The following ME1 variants were observed in gnomAD, a reference collection of about 807,000 sequenced individuals.
ME1 encodes malic enzyme 1, also known as NADP-dependent malic enzyme.
ME1 carries 74 observed loss-of-function variants against 66.4 expected under a neutral mutation model. The observed-to-expected ratio is 1.11, with a 90% confidence interval of 0.92 to 1.35. ME1 has a LOEUF of 1.35. Among genes scored for constraint, ME1 ranks in the 40% most tolerant of loss-of-function variants. The probability of loss-of-function intolerance (pLI) is 0.00; values close to 1 mark genes in which losing one functional copy is unlikely to be tolerated. For synonymous variants in ME1, 251 were observed against 235.6 expected, an observed-to-expected ratio of 1.07 and a Z score of -0.60; for missense variants, 750 against 694.1, an observed-to-expected ratio of 1.08 and a Z score of -0.90.
chr6:83,304,257 T>C (rs149881497), intron 6 of ME1, among the ~76,000 whole-genome samples: 420 of 152,242 alleles, frequency 2.8e-3, no homozygotes, highest in Non-Finnish European at 5.0e-3. Flanking sequence ...GTTTTACTTA[T>C]CACATGTACC....
At chr6:83,307,453 T>C (rs769838672) in intron 6 of ME1, among the ~76,000 whole-genome samples, 5 of 152,152 alleles carry the variant, frequency 3.3e-5, no homozygotes, top group Non-Finnish European at 7.4e-5. Context: ...TATTTCACCC[T>C]GGGTCCACAG....
intron 3 of ME1, 79 bp downstream of exon 3, chr6:83,398,288 T>C: frequency 2.1e-6 from 2 of 951,238 alleles, no homozygotes; most frequent in Non-Finnish European, 3.1e-6. Context: ...AAAATAATAA[T>C]AATAAATTTT....
At chr6:83,214,169 G>A (rs1301633569) in intron 13 of ME1, among the ~76,000 whole-genome samples, 1 of 152,082 alleles carries the variant, frequency 6.6e-6, no homozygotes, top group Non-Finnish European at 1.5e-5. Flanking sequence ...ACTTAAGATG[G>A]CTATGTTAAT....
chr6:83,326,605 A>T lies in ME1; in HGVS notation c.601-11192T>A, dbSNP rs568160964. ...TGAACAGACATTTTCAAAAGAAGGC[A>T]TGTATGTGGCCAAAAAACATAAAAA... On this transcript the variant is annotated intron_variant, in intron 5 of 13. Transcript: ENST00000369705. Among the ~76,000 whole-genome samples the T allele has an allele frequency of 2.6e-5, 4 of 152,298 alleles. No homozygotes were observed. In the South Asian group the frequency reaches 8.3e-4, roughly 32 times the overall value.
Position 83,216,525 on chromosome 6 carries a change from T to C in ME1, c.1521A>G (p.Arg507=). The C allele has an allele frequency of 3.1e-6, 5 of 1,611,452 alleles. No homozygotes were observed. Among genetic ancestry groups the C allele is most frequent in the Non-Finnish European group, 4.2e-6 (5 of 1,179,042 alleles). ...TTTCTGCAATTTTCAGAGAAACATCTCTAATGGTATTCAAAGGAGGATAAA... is the reference window on the plus strand; with the variant it reads ...TTTCTGCAATTTTCAGAGAAACATCCCTAATGGTATTCAAAGGAGGATAAA... The part of the protein sequence containing the change: ...GRLYPPLNTI[R]DVSLKIAEKI... Residue 507 remains arginine, a synonymous_variant, in exon 13 of 14, where the codon AGA becomes AGG. Transcript: ENST00000369705.
In ME1 at chr6:83,308,362, CT is replaced by C. The variant is rs1321235519; in HGVS notation, c.704+6947del. Reference sequence around the variant, plus strand: ...TCTTAAAAGCTTACTTGAGGTAAAGCTTTTGTTCTCATTTAGTTAATAATCA... The same window carrying C: ...TCTTAAAAGCTTACTTGAGGTAAAGCTTTGTTCTCATTTAGTTAATAATCA... On this transcript the variant is annotated intron_variant, in intron 6 of 13. Transcript: ENST00000369705. Among the ~76,000 whole-genome samples, 4 of 151,518 alleles carry C rather than the reference CT, an allele frequency of 2.6e-5. No individual in the cohort carries two copies. In the East Asian group the frequency reaches 7.8e-4, roughly 29 times the overall value.
At chr6:83,403,345 T>G (rs938738740) in intron 2 of ME1, among the ~76,000 whole-genome samples, 2 of 152,136 alleles carry the variant, frequency 1.3e-5, no homozygotes, top group Admixed American at 1.3e-4. Context: ...TGATTTCTCA[T>G]AGTTTTGTAG....
In ME1 at chr6:83,306,065, C is replaced by T. The variant is rs1295057172; in HGVS notation, c.704+9245G>A. Among the ~76,000 whole-genome samples, 4 of 151,976 alleles carry T rather than the reference C, an allele frequency of 2.6e-5. No homozygotes were observed. The East Asian group carries it at 5.8e-4, about 22-fold the overall frequency. The stretch of plus-strand genomic sequence containing the variant: ...TATAAACAAAAGACCTTATTTTAAC[C>T]TACAAGATATTGCTATTGATAGTGT... On this transcript the variant is annotated intron_variant, in intron 6 of 13. Coordinates refer to ENST00000369705, the MANE Select transcript of ME1 (RefSeq NM_002395.6).
intron 3 of ME1, among the ~76,000 whole-genome samples, chr6:83,397,717 G>T (rs1221715829): frequency 6.6e-6 from 1 of 152,134 alleles, no homozygotes; most frequent in African/African-American, 2.4e-5. Context: ...GCCAAGATAT[G>T]GGATCAAGGT....
intron 5 of ME1, among the ~76,000 whole-genome samples, chr6:83,323,630 A>G (rs753836116): frequency 3.3e-5 from 5 of 152,236 alleles, no homozygotes; most frequent in African/African-American, 4.8e-5. Context: ...TTCAACAAGA[A>G]GAACTAAGTA....
At position 83,364,794 on chromosome 6, in the gene ME1, G is replaced by T. The variant is rs191045819; in HGVS notation, c.363-12655C>A. ...AAATTTGCAGCAATACTTCCAACAG[G>T]GTTCATTCTGGTTGTCTCCCTTCAG... On this transcript the variant is annotated intron_variant, in intron 3 of 13. Transcript: ENST00000369705. Among the ~76,000 whole-genome samples, 46 of 151,884 alleles carry T rather than the reference G, an allele frequency of 3.0e-4. 1 individual carries two copies. Among genetic ancestry groups the T allele is most frequent in the African/African-American group, 1.1e-3 (45 of 41,372 alleles).
At chr6:83,283,126 G>A (rs1286221350) in intron 6 of ME1, among the ~76,000 whole-genome samples, 3 of 147,838 alleles carry the variant, frequency 2.0e-5, no homozygotes, top group Non-Finnish European at 4.5e-5. Flanking sequence ...TACTCGGGAG[G>A]CTGAGGCAGG....
At chr6:83,232,180 A>G (rs943157962) in intron 9 of ME1, among the ~76,000 whole-genome samples, 6 of 152,274 alleles carry the variant, frequency 3.9e-5, no homozygotes, top group Middle Eastern at 6.8e-3. Context: ...CCCCAGTTGG[A>G]CTACCTACCC....
chr6:83,388,803 A>C (rs921731811), intron 3 of ME1, among the ~76,000 whole-genome samples: 1 of 152,154 alleles, frequency 6.6e-6, no homozygotes, highest in African/African-American at 2.4e-5. Flanking sequence ...CTGTTTGCCA[A>C]AATCAAATCA....
chr6:83,406,572 A>T (rs1246215663), intron 2 of ME1, among the ~76,000 whole-genome samples: 2 of 152,180 alleles, frequency 1.3e-5, no homozygotes, highest in African/African-American at 4.8e-5. Context: ...TCCAAATAAC[A>T]TCACACTGGG....
chr6:83,353,294 G>A (rs1206343684), intron 3 of ME1, among the ~76,000 whole-genome samples: 2 of 152,140 alleles, frequency 1.3e-5, no homozygotes, highest in African/African-American at 2.4e-5. Context: ...TTTTTGTGAT[G>A]TTAGTAGCTT....
intron 2 of ME1, among the ~76,000 whole-genome samples, chr6:83,406,873 T>A (rs1242081137): frequency 2.6e-5 from 4 of 152,046 alleles, no homozygotes; most frequent in Non-Finnish European, 5.9e-5. Flanking sequence ...CTTCCTTCAG[T>A]CTTCAGCCTG....
chr6:83,317,717 C>T lies in ME1; in HGVS notation c.601-2304G>A, dbSNP rs191944678. On this transcript the variant is annotated intron_variant, in intron 5 of 13. Transcript: ENST00000369705. The stretch of plus-strand genomic sequence containing the variant: ...GGAAGAATCAATATCGTGAAAATGG[C>T]CATACTGCCAAAGGTAATTTACAGA... 3.9e-5 allele frequency among the ~76,000 whole-genome samples: 6 copies of T among 152,244 alleles called. No individual in the cohort carries two copies. In the East Asian group the frequency reaches 9.6e-4, roughly 24 times the overall value.
chr6:83,310,786 A>G (rs11966889), intron 6 of ME1, among the ~76,000 whole-genome samples: 6,976 of 152,288 alleles, frequency 0.046, 530 homozygotes, highest in African/African-American at 0.16. Context: ...ATTGCCAACA[A>G]GAAAGCCAGA....
Sources: gnomAD v4.1 joint callset for allele counts (sites outside exome capture counted in the v4.1 genomes callset) on GRCh38, gnomAD v4.1.1 for gene constraint, MANE v1.5 for transcripts, NCBI Gene and HGNC (gene_info 2026-07-23, HGNC 2026-07-21) for gene names.